CEP128: variants seen among roughly 807,000 people sequenced by gnomAD.
The protein encoded by CEP128 is centrosomal protein 128.
In CEP128, 132 loss-of-function variants were observed where a neutral mutation model predicts 156.7. The ratio of observed to expected loss-of-function variants is 0.84; its 90% CI spans 0.73 to 0.97. The LOEUF is 0.97. Among genes scored for constraint, CEP128 ranks in the 50% least tolerant of loss-of-function variants. The pLI, the probability that CEP128 is intolerant of heterozygous loss-of-function variation, is 0.00. For synonymous variants in CEP128, 469 were observed against 448.9 expected, an observed-to-expected ratio of 1.04 and a Z score of -0.57; for missense variants, 1,252 against 1,281.9, an observed-to-expected ratio of 0.98 and a Z score of 0.36.
intron 14 of CEP128, among the ~76,000 whole-genome samples, chr14:80,788,625 A>G (rs1901546017): frequency 6.6e-6 from 1 of 152,086 alleles, no homozygotes; most frequent in African/African-American, 2.4e-5. Flanking sequence ...TCACAGCATC[A>G]ATGCCCCTAA....
At position 80,660,423 on chromosome 14, in the gene CEP128, A is replaced by G. The variant is rs201694798; in HGVS notation, c.2807-80000T>C. ...TTGAGAAAGCCGTGCCATTTTCTAC[A>G]TGAGACACTTGCCAATGATAAAAAA... On this transcript the variant is annotated intron_variant, in intron 19 of 24. Transcript: ENST00000555265. Among the ~76,000 whole-genome samples, 443 of 152,310 alleles carry G rather than the reference A, an allele frequency of 2.9e-3. 4 individuals carry two copies. Among genetic ancestry groups the G allele is most frequent in the African/African-American group, 0.01 (434 of 41,576 alleles).
At chr14:80,737,426 T>A (rs1310191059) in intron 19 of CEP128, among the ~76,000 whole-genome samples, 1 of 151,328 alleles carries the variant, frequency 6.6e-6, no homozygotes, top group Non-Finnish European at 1.5e-5. Context: ...AGAAAAAAAA[T>A]TATAAAGAAA....
At chr14:80,496,107 C>A (rs1887485008), downstream of CEP128, among the ~76,000 whole-genome samples, 1 of 152,174 alleles carries the variant, frequency 6.6e-6, no homozygotes, top group Non-Finnish European at 1.5e-5. Context: ...CTGAACAAAT[C>A]ACTCCTGTTT....
At chr14:80,581,832 T>A (rs1307505072) in intron 19 of CEP128, among the ~76,000 whole-genome samples, 1 of 152,198 alleles carries the variant, frequency 6.6e-6, no homozygotes, top group African/African-American at 2.4e-5. Context: ...TTCCTCTTCC[T>A]GCATCCTCAC....
chr14:80,898,276 T>A (rs899747171), intron 7 of CEP128, among the ~76,000 whole-genome samples: 4 of 152,252 alleles, frequency 2.6e-5, no homozygotes, highest in African/African-American at 9.6e-5. Context: ...ACTTTTTAAC[T>A]TCCTGTCCAT....
chr14:80,790,475 TA>T (rs1319717468), intron 14 of CEP128, among the ~76,000 whole-genome samples: 1 of 152,130 alleles, frequency 6.6e-6, no homozygotes, highest in African/African-American at 2.4e-5. Context: ...TTCAGTCTCC[TA>T]ATATGTGTTA....
At chr14:80,836,825 C>T (rs1399840487) in intron 11 of CEP128, among the ~76,000 whole-genome samples, 1 of 152,168 alleles carries the variant, frequency 6.6e-6, no homozygotes, top group East Asian at 1.9e-4. Flanking sequence ...ATTTGTTTAT[C>T]TTTCTATCCT....
chr14:80,637,864 G>A (rs11159470), intron 19 of CEP128, among the ~76,000 whole-genome samples: 76,717 of 151,900 alleles, frequency 0.51, 20,978 homozygotes, highest in Non-Finnish European at 0.59. Context: ...ACAAGAGAGG[G>A]GCGTATGTAG....
chr14:80,845,834 T>C lies in CEP128; in HGVS notation c.763-5066A>G, dbSNP rs143168501. Among the ~76,000 whole-genome samples the C allele has an allele frequency of 1.2e-4, 19 of 152,286 alleles. No homozygotes were observed. In the East Asian group the frequency reaches 3.5e-3, roughly 28 times the overall value. On this transcript the variant is annotated intron_variant, in intron 9 of 24. Transcript: ENST00000555265. Reference sequence around the variant, plus strand: ...TCAGTAGTTGCCCAATAAATATTAATTGATAATGATGGAAATGGGCTTTAT... The same window carrying C: ...TCAGTAGTTGCCCAATAAATATTAACTGATAATGATGGAAATGGGCTTTAT...
chr14:80,583,167 A>T lies in CEP128; in HGVS notation c.2807-2744T>A, dbSNP rs557986078. ...AGTTTTCTCCAAATACATACGGGTC[A>T]TACTACTCTTCCAACAAATCTGATG... On this transcript the variant is annotated intron_variant, in intron 19 of 24. Coordinates refer to ENST00000555265, the MANE Select transcript of CEP128 (RefSeq NM_152446.5). Among the ~76,000 whole-genome samples, 62 of 152,354 alleles carry T rather than the reference A, an allele frequency of 4.1e-4. No homozygotes were observed. The East Asian group carries it at 0.011, about 27-fold the overall frequency.
At chr14:80,846,060 T>C (rs967102466) in intron 9 of CEP128, among the ~76,000 whole-genome samples, 3 of 152,326 alleles carry the variant, frequency 2.0e-5, no homozygotes, top group African/African-American at 7.2e-5. Context: ...TATTTGCATA[T>C]GGTGCTGCAC....
intron 19 of CEP128, among the ~76,000 whole-genome samples, chr14:80,671,099 A>G (rs781171898): frequency 6.6e-6 from 1 of 152,264 alleles, no homozygotes; most frequent in Non-Finnish European, 1.5e-5. Context: ...AGTCTCTAGG[A>G]TGTTGTAGAT....
At chr14:80,749,520 AG>A (rs2139631195) in intron 18 of CEP128, among the ~76,000 whole-genome samples, 1 of 152,348 alleles carries the variant, frequency 6.6e-6, no homozygotes, top group Admixed American at 6.5e-5. Flanking sequence ...GAAATGAGCC[AG>A]AAAAAGGAAG....
chr14:80,529,965 G>C (rs1889151852), intron 22 of CEP128, among the ~76,000 whole-genome samples: 1 of 152,066 alleles, frequency 6.6e-6, no homozygotes. Flanking sequence ...AAATCAATAT[G>C]GCATGATCTG....
chr14:80,753,608 T>C (rs925744876), intron 18 of CEP128, among the ~76,000 whole-genome samples: 31 of 152,226 alleles, frequency 2.0e-4, no homozygotes, highest in African/African-American at 7.5e-4. Context: ...ACCGTCTCAA[T>C]GTGAATATCT....
At chr14:80,534,729 G>A (rs904120559) in intron 21 of CEP128, among the ~76,000 whole-genome samples, 1 of 147,918 alleles carries the variant, frequency 6.8e-6, no homozygotes, top group Admixed American at 6.7e-5. Context: ...GGAGGCTGAG[G>A]CAGGAGAATG....
At chr14:80,512,257 G>T (rs985794965) in intron 23 of CEP128, among the ~76,000 whole-genome samples, 3 of 151,968 alleles carry the variant, frequency 2.0e-5, no homozygotes, top group African/African-American at 7.2e-5. Context: ...GTAATCCAGT[G>T]TTGGGTGCAT....
chr14:80,524,510 C>T (rs1566756490), intron 23 of CEP128, among the ~76,000 whole-genome samples: 1 of 152,188 alleles, frequency 6.6e-6, no homozygotes, highest in East Asian at 1.9e-4. Flanking sequence ...AACTTTCTCA[C>T]TACTCATTTA....
chr14:80,603,444 A>T (rs1892657605), intron 19 of CEP128, among the ~76,000 whole-genome samples: 1 of 152,214 alleles, frequency 6.6e-6, no homozygotes, highest in South Asian at 2.1e-4. Context: ...TGACCTTGTG[A>T]ATGAATACAC....
Sources: gnomAD v4.1 joint callset for allele counts (sites outside exome capture counted in the v4.1 genomes callset) on GRCh38, gnomAD v4.1.1 for gene constraint, MANE v1.5 for transcripts, NCBI Gene and HGNC (gene_info 2026-07-23, HGNC 2026-07-21) for gene names.